TLL1: variants seen among roughly 807,000 people sequenced by gnomAD.
TLL1 encodes the protein tolloid like 1, also known as tolloid-like protein 1.
A neutral mutation model predicts 128.2 loss-of-function variants in TLL1; 49 were observed. The observed-to-expected ratio is 0.38, with a 90% CI of 0.30 to 0.48. TLL1 has a LOEUF of 0.48. Ranked by LOEUF, TLL1 falls within the 20% of genes least tolerant of loss-of-function variation. The pLI, the probability that TLL1 is intolerant of heterozygous loss-of-function variation, is 0.96. For synonymous variants in TLL1, 454 were observed against 418.8 expected (o/e 1.08, Z -1.03); for missense variants, 1,123 against 1,242.0 (o/e 0.90, Z 1.44).
chr4:165,876,311 T>A (rs1460596172), intron 1 of TLL1, among the ~76,000 whole-genome samples: 2 of 149,580 alleles, frequency 1.3e-5, no homozygotes, highest in African/African-American at 2.5e-5. Context: ...AAAAATGAAA[T>A]ACTACATTGA....
At chr4:165,931,544 C>A (rs183813633) in intron 1 of TLL1, among the ~76,000 whole-genome samples, 98 of 151,732 alleles carry the variant, frequency 6.5e-4, no homozygotes, top group African/African-American at 2.1e-3. Context: ...GGTGAAACCC[C>A]GTCTCTACTA....
chr4:165,971,149 T>A (rs1735610187), intron 1 of TLL1, among the ~76,000 whole-genome samples: 1 of 152,226 alleles, frequency 6.6e-6, no homozygotes, highest in African/African-American at 2.4e-5. Flanking sequence ...TAATCTATCA[T>A]GCACAACAGG....
At chr4:165,930,329 T>C (rs1361735136) in intron 1 of TLL1, among the ~76,000 whole-genome samples, 1 of 152,200 alleles carries the variant, frequency 6.6e-6, no homozygotes, top group African/African-American at 2.4e-5. Context: ...AATTAATGGA[T>C]GATCAATCTT....
chr4:165,951,309 A>G (rs539169058), intron 1 of TLL1, among the ~76,000 whole-genome samples: 1 of 152,224 alleles, frequency 6.6e-6, no homozygotes, highest in African/African-American at 2.4e-5. Flanking sequence ...AGAGTAAGGA[A>G]TTCGAATGAG....
intron 20 of TLL1, among the ~76,000 whole-genome samples, chr4:166,099,825 A>C (rs1742209126): frequency 6.6e-6 from 1 of 152,140 alleles, no homozygotes; most frequent in Non-Finnish European, 1.5e-5. Context: ...TAAATACTTA[A>C]TCTAACAGCA....
chr4:165,934,069 G>A (rs1455901331), intron 1 of TLL1, among the ~76,000 whole-genome samples: 1 of 151,756 alleles, frequency 6.6e-6, no homozygotes, highest in Non-Finnish European at 1.5e-5. Flanking sequence ...CACGATCTTG[G>A]CTCACTGCAA....
intron 7 of TLL1, among the ~76,000 whole-genome samples, chr4:166,011,837 A>G (rs1029648960): frequency 1.3e-5 from 2 of 151,448 alleles, no homozygotes; most frequent in Non-Finnish European, 3.0e-5. Flanking sequence ...TGTGTTTATT[A>G]TGAAAGGGTG....
intron 1 of TLL1, among the ~76,000 whole-genome samples, chr4:165,949,839 G>T (rs1734424917): frequency 1.3e-5 from 2 of 152,218 alleles, no homozygotes; most frequent in South Asian, 4.1e-4. Context: ...TGAGATTTGG[G>T]TGGGGACACA....
At chr4:166,044,288 T>G in intron 12 of TLL1, 1 of 1,251,134 alleles carries the variant, frequency 8.0e-7, no homozygotes, top group Non-Finnish European at 1.1e-6. Context: ...TACTACCCAG[T>G]GGGTAGTAAT....
At chr4:166,026,244 C>G (rs1411035027) in intron 9 of TLL1, among the ~76,000 whole-genome samples, 1 of 151,604 alleles carries the variant, frequency 6.6e-6, no homozygotes, top group East Asian at 1.9e-4. Context: ...CAAAAATTAG[C>G]CTGGCACTGT....
At chr4:166,009,961 T>C (rs576246221) in intron 7 of TLL1, among the ~76,000 whole-genome samples, 1 of 151,470 alleles carries the variant, frequency 6.6e-6, no homozygotes, top group South Asian at 2.1e-4. Flanking sequence ...ACTCTATACC[T>C]ATTAAACAAC....
At chr4:165,978,283 T>A (rs1735982418) in intron 1 of TLL1, among the ~76,000 whole-genome samples, 1 of 152,046 alleles carries the variant, frequency 6.6e-6, no homozygotes, top group Non-Finnish European at 1.5e-5. Flanking sequence ...AGGTTTTTTT[T>A]ATTAGTGAGA....
intron 2 of TLL1, among the ~76,000 whole-genome samples, chr4:165,991,373 T>C (rs1736629691): frequency 6.6e-6 from 1 of 152,036 alleles, no homozygotes; most frequent in Admixed American, 6.6e-5. Flanking sequence ...AACAATGTAA[T>C]ATAAATATAG....
intron 12 of TLL1, 123 bp from the exon 13 acceptor site, chr4:166,054,953 C>T (rs944009555): frequency 2.7e-6 from 2 of 729,594 alleles, no homozygotes; most frequent in Admixed American, 2.9e-5. Flanking sequence ...CAAGTACACT[C>T]ATTTGATACA....
At chr4:166,088,850 T>C (rs1741638667) in intron 18 of TLL1, among the ~76,000 whole-genome samples, 1 of 152,142 alleles carries the variant, frequency 6.6e-6, no homozygotes, top group Non-Finnish European at 1.5e-5. Context: ...AAGCAGATGT[T>C]ATGATTTAGG....
intron 1 of TLL1, among the ~76,000 whole-genome samples, chr4:165,875,592 A>G (rs1730690594): frequency 6.6e-6 from 1 of 152,298 alleles, no homozygotes; most frequent in South Asian, 2.1e-4. Context: ...GATGGTTTGG[A>G]CAAGGAGATG....
At chr4:165,941,464 A>G (rs1734004642) in intron 1 of TLL1, among the ~76,000 whole-genome samples, 1 of 152,156 alleles carries the variant, frequency 6.6e-6, no homozygotes, top group Non-Finnish European at 1.5e-5. Flanking sequence ...CCATTAGAGC[A>G]TAGTGTAGAA....
intron 1 of TLL1, among the ~76,000 whole-genome samples, chr4:165,877,287 C>G (rs781413638): frequency 7.2e-5 from 11 of 152,262 alleles, no homozygotes; most frequent in Non-Finnish European, 1.5e-4. Flanking sequence ...CAGTGCAGCA[C>G]AGCTGCGGAT....
At chr4:166,089,833 T>C (rs1413595299) in intron 18 of TLL1, among the ~76,000 whole-genome samples, 3 of 152,138 alleles carry the variant, frequency 2.0e-5, no homozygotes, top group Non-Finnish European at 4.4e-5. Context: ...ATCAGCTTTT[T>C]TTCCCCCTTT....
Sources: allele counts gnomAD v4.1 joint callset (sites outside exome capture counted in the v4.1 genomes callset), GRCh38; gene constraint gnomAD v4.1.1; transcripts MANE v1.5; gene names NCBI Gene and HGNC (gene_info 2026-07-23, HGNC 2026-07-21).